SNX10: variants seen among roughly 807,000 people sequenced by gnomAD.
SNX10 encodes the protein sorting nexin-10.
A neutral mutation model predicts 28.5 loss-of-function variants in SNX10; 25 were observed. That is an observed-to-expected ratio of 0.88 (90% CI 0.64 to 1.22). The LOEUF is 1.22. Ranked by LOEUF, SNX10 falls within the 50% of genes most tolerant of loss-of-function variation. The pLI, the probability that SNX10 is intolerant of heterozygous loss-of-function variation, is 0.00. For synonymous variants in SNX10, 62 were observed against 81.4 expected (o/e 0.76, Z 1.28); for missense variants, 223 against 242.6 (o/e 0.92, Z 0.54).
chr7:26,320,498 C>A (rs1787270073), intron 1 of SNX10, among the ~76,000 whole-genome samples: 1 of 151,932 alleles, frequency 6.6e-6, no homozygotes, highest in African/African-American at 2.4e-5. Context: ...GTGGTGCGAT[C>A]TCTGCTCACT....
At chr7:26,307,095 G>C (rs534018290) in intron 1 of SNX10, among the ~76,000 whole-genome samples, 1 of 152,336 alleles carries the variant, frequency 6.6e-6, no homozygotes, top group South Asian at 2.1e-4. Flanking sequence ...GTGAAGGAAA[G>C]AGGGTTATTT....
At chr7:26,333,599 C>T (rs1787822056) in intron 1 of SNX10, among the ~76,000 whole-genome samples, 2 of 152,182 alleles carry the variant, frequency 1.3e-5, no homozygotes, top group African/African-American at 4.8e-5. Context: ...GCTGGGATTA[C>T]AGGCGTGAGC....
At position 26,374,151 on chromosome 7, in the gene SNX10, T is replaced by C. The variant is rs1789687091; in HGVS notation, c.*1579T>C. ...ATCCTCATCCCTTCAGCAATATGTA[T>C]TTGAGTTCACACTATTTCTGTTTTA... On this transcript the variant is annotated 3_prime_UTR_variant, in exon 7 of 7. Transcript: ENST00000338523. The C allele has an allele frequency of 6.6e-6, 1 of 152,070 alleles. No individual in the cohort carries two copies. The highest frequency in any genetic ancestry group is 6.5e-5 in the Admixed American group (1 of 15,278). 9.4% of individuals were successfully genotyped at this position (152,070 alleles called of 1,614,324 possible). A position where few individuals can be genotyped will look rare whatever the true frequency, so the allele number is the denominator to read the frequency against.
chr7:26,301,805 G>C (rs942780267), intron 1 of SNX10, among the ~76,000 whole-genome samples: 1 of 152,136 alleles, frequency 6.6e-6, no homozygotes, highest in African/African-American at 2.4e-5. Context: ...TTGAGCCACA[G>C]CTGTTCCCAT....
intron 2 of SNX10, among the ~76,000 whole-genome samples, chr7:26,347,388 G>T (rs1341268755): frequency 6.6e-6 from 1 of 152,116 alleles, no homozygotes; most frequent in Non-Finnish European, 1.5e-5. Context: ...TTTAAAAATT[G>T]GGCTAGACGG....
intron 1 of SNX10, among the ~76,000 whole-genome samples, chr7:26,340,300 A>G (rs1442569155): frequency 6.6e-6 from 1 of 152,166 alleles, no homozygotes; most frequent in Non-Finnish European, 1.5e-5. Flanking sequence ...TTTTGTAGAT[A>G]AAGTTTAACT....
chr7:26,341,033 T>C (rs1001644897), intron 1 of SNX10, among the ~76,000 whole-genome samples: 2 of 152,184 alleles, frequency 1.3e-5, no homozygotes, highest in African/African-American at 2.4e-5. Flanking sequence ...GTGCGATGAC[T>C]CACACCTGTT....
chr7:26,307,384 T>C (rs1786641434), intron 1 of SNX10, among the ~76,000 whole-genome samples: 1 of 152,206 alleles, frequency 6.6e-6, no homozygotes, highest in Non-Finnish European at 1.5e-5. Flanking sequence ...ACCCGGCCTG[T>C]GAGTCATCCT....
rs35701416 is a variant in SNX10 at position 26,305,116 on chromosome 7, G to C, written c.-24+13030G>C. The stretch of plus-strand genomic sequence containing the variant: ...ACTACTACCATGTGTTTTGTTAGTT[G>C]AGTGGACTTCACTGGAGTCCCCTGT... On this transcript the variant is annotated intron_variant, in intron 1 of 6. Coordinates refer to ENST00000338523, the MANE Select transcript of SNX10 (RefSeq NM_013322.3). Among the ~76,000 whole-genome samples, 857 of 152,238 alleles carry C rather than the reference G, an allele frequency of 5.6e-3. 4 individuals carry two copies. The highest frequency in any genetic ancestry group is 8.7e-3 in the Non-Finnish European group (591 of 68,002).
intron 5 of SNX10, among the ~76,000 whole-genome samples, chr7:26,367,441 G>A (rs1789338933): frequency 6.6e-6 from 1 of 152,196 alleles, no homozygotes; most frequent in African/African-American, 2.4e-5. Flanking sequence ...CCTGTGGTAT[G>A]TGAACATTTG....
intron 1 of SNX10, among the ~76,000 whole-genome samples, chr7:26,315,347 G>T (rs1245264691): frequency 3.3e-5 from 5 of 152,088 alleles, no homozygotes; most frequent in African/African-American, 1.2e-4. Context: ...TATCCCCATT[G>T]TCCCAAAAGT....
intron 3 of SNX10, among the ~76,000 whole-genome samples, chr7:26,363,927 C>T (rs772790318): frequency 9.9e-5 from 15 of 152,180 alleles, no homozygotes; most frequent in Non-Finnish European, 2.2e-4. Flanking sequence ...ACTGGAATTC[C>T]GGTCGGCCTG....
intron 6 of SNX10, 31 bp downstream of exon 6, chr7:26,372,064 T>G (rs771467083): frequency 1.4e-6 from 2 of 1,395,634 alleles, no homozygotes; most frequent in East Asian, 4.7e-5. Context: ...TTAATGTATA[T>G]GTATTTATAT....
At chr7:26,298,861 G>A (rs1234843376) in intron 1 of SNX10, among the ~76,000 whole-genome samples, 2 of 152,182 alleles carry the variant, frequency 1.3e-5, no homozygotes, top group African/African-American at 4.8e-5. Flanking sequence ...GAGAGAAAGA[G>A]AACAAGCTCT....
chr7:26,366,848 A>G (rs1327327270), intron 5 of SNX10, among the ~76,000 whole-genome samples: 1 of 152,190 alleles, frequency 6.6e-6, no homozygotes, highest in African/African-American at 2.4e-5. Flanking sequence ...GATCTACCCA[A>G]ATGAATGACC....
At chr7:26,318,269 T>G (rs150780636) in intron 1 of SNX10, among the ~76,000 whole-genome samples, 1 of 152,160 alleles carries the variant, frequency 6.6e-6, no homozygotes, top group Admixed American at 6.6e-5. Flanking sequence ...TATAGCTAAG[T>G]GTGCAGGGAT....
intron 1 of SNX10, among the ~76,000 whole-genome samples, chr7:26,302,400 C>G (rs892693111): frequency 2.0e-5 from 3 of 152,180 alleles, no homozygotes; most frequent in African/African-American, 7.2e-5. Flanking sequence ...CTGGCACCAG[C>G]AGTGACAATG....
At chr7:26,331,636 G>A (rs1787751566) in intron 1 of SNX10, among the ~76,000 whole-genome samples, 1 of 152,126 alleles carries the variant, frequency 6.6e-6, no homozygotes, top group Non-Finnish European at 1.5e-5. Context: ...ACAGCTCACT[G>A]GTGTTTGGTA....
intron 1 of SNX10, among the ~76,000 whole-genome samples, chr7:26,312,600 A>ATTT (rs1165793076): frequency 7.9e-5 from 12 of 152,302 alleles, no homozygotes; most frequent in African/African-American, 2.9e-4. Flanking sequence ...CCTGGCCAAT[A>ATTT]TGGTGAAACC....
Sources: gnomAD v4.1 joint callset for allele counts (sites outside exome capture counted in the v4.1 genomes callset) on GRCh38, gnomAD v4.1.1 for gene constraint, MANE v1.5 for transcripts, NCBI Gene and HGNC (gene_info 2026-07-23, HGNC 2026-07-21) for gene names.